ARHGAP15: variants seen among roughly 807,000 people sequenced by gnomAD.
ARHGAP15 encodes rho GTPase-activating protein 15.
In ARHGAP15, 51 loss-of-function variants were observed where a neutral mutation model predicts 63.7. That is an observed-to-expected ratio of 0.80 (90% CI 0.64 to 1.01). The LOEUF (loss-of-function observed/expected upper bound fraction) is 1.01, where lower values mean the gene tolerates loss of function less well. Ranked by LOEUF, ARHGAP15 falls within the 50% of genes least tolerant of loss-of-function variation. The pLI is 0.00. For missense variants in ARHGAP15, 560 were observed against 564.6 expected, an observed-to-expected ratio of 0.99 and a Z score of 0.08; for synonymous variants, 191 against 193.8, an observed-to-expected ratio of 0.99 and a Z score of 0.12.
intron 6 of ARHGAP15, among the ~76,000 whole-genome samples, chr2:143,323,667 C>T (rs988589131): frequency 2.9e-4 from 44 of 151,788 alleles, no homozygotes; most frequent in African/African-American, 8.7e-4. Context: ...GAGGCTGAGG[C>T]GGGTGGATCA....
intron 11 of ARHGAP15, chr2:143,587,655 C>A: frequency 4.4e-6 from 2 of 457,928 alleles, no homozygotes; most frequent in South Asian, 1.6e-5. Context: ...GGATGAGGAC[C>A]TTCCTTTCCT....
At chr2:143,702,775 C>T (rs1286632682) in intron 12 of ARHGAP15, among the ~76,000 whole-genome samples, 1 of 152,048 alleles carries the variant, frequency 6.6e-6, no homozygotes, top group Non-Finnish European at 1.5e-5. Context: ...CATCGCATAC[C>T]CTCTCTTTTC....
chr2:143,228,675 A>C lies in ARHGAP15; in HGVS notation c.384+7A>C, dbSNP rs372174374. On this transcript the variant is annotated splice_region_variant and intron_variant, in intron 5 of 13. Transcript: ENST00000295095. Reference sequence around the variant, plus strand: ...ACAGGCTCTGTCCAATATGGTAAGTAATTCTCTGTTTCTATTGTTAAATAT... The same window carrying C: ...ACAGGCTCTGTCCAATATGGTAAGTCATTCTCTGTTTCTATTGTTAAATAT... The C allele has an allele frequency of 5.2e-6, 8 of 1,528,980 alleles. No individual in the cohort carries two copies. In the African/African-American group the frequency reaches 8.4e-5, roughly 16 times the overall value. The allele number at this position is 1,528,980 out of a possible 1,614,324, so 94.7% of individuals were successfully genotyped here.
chr2:143,216,316 A>T, intron 3 of ARHGAP15, 68 bp from the exon 4 acceptor site: 2 of 1,207,430 alleles, frequency 1.7e-6, no homozygotes, highest in Non-Finnish European at 2.4e-6. Flanking sequence ...CTTGAAAAGC[A>T]TAGGTTTATT....
chr2:143,742,657 G>A (rs1686004647), intron 13 of ARHGAP15, among the ~76,000 whole-genome samples: 1 of 152,168 alleles, frequency 6.6e-6, no homozygotes, highest in South Asian at 2.1e-4. Flanking sequence ...CAGTTGCTTT[G>A]GAGAAACATG....
intron 6 of ARHGAP15, among the ~76,000 whole-genome samples, chr2:143,320,015 G>A (rs1387380920): frequency 1.3e-5 from 2 of 151,996 alleles, no homozygotes; most frequent in African/African-American, 4.8e-5. Flanking sequence ...TTTTCAGAAA[G>A]GTATTGTAAT....
In ARHGAP15 at chr2:143,157,640, C is replaced by T. The variant is rs555071348; in HGVS notation, c.165+1985C>T. On this transcript the variant is annotated intron_variant, in intron 2 of 13. Coordinates refer to ENST00000295095, the MANE Select transcript of ARHGAP15 (RefSeq NM_018460.4). ...TTTTAGTGAGGATGTGTCATTTCAC[C>T]GAGAAAACTTGGCTCAGAGATACTG... is the stretch of plus-strand genomic sequence containing the variant. 1.6e-4 allele frequency among the ~76,000 whole-genome samples: 24 copies of T among 151,388 alleles called. 1 individual carries two copies. The South Asian group carries it at 4.2e-3, about 26-fold the overall frequency.
chr2:143,244,203 TG>T (rs1215909328), intron 5 of ARHGAP15, among the ~76,000 whole-genome samples: 1 of 152,176 alleles, frequency 6.6e-6, no homozygotes, highest in Non-Finnish European at 1.5e-5. Context: ...AACACTTATT[TG>T]GGGCCACTTT....
chr2:143,274,312 A>AG (rs1681438828), intron 6 of ARHGAP15, among the ~76,000 whole-genome samples: 1 of 152,172 alleles, frequency 6.6e-6, no homozygotes, highest in Non-Finnish European at 1.5e-5. Context: ...GTTTCCACAG[A>AG]GAAAAAAAAA....
chr2:143,359,321 G>A (rs1685942757), intron 6 of ARHGAP15, among the ~76,000 whole-genome samples: 1 of 152,018 alleles, frequency 6.6e-6, no homozygotes, highest in African/African-American at 2.4e-5. Context: ...CATTTCTCAA[G>A]CTGACAAAAT....
intron 12 of ARHGAP15, among the ~76,000 whole-genome samples, chr2:143,632,669 A>G (rs899245709): frequency 6.6e-6 from 1 of 152,176 alleles, no homozygotes; most frequent in African/African-American, 2.4e-5. Context: ...CTCATCAGAT[A>G]AAAATAATAC....
intron 2 of ARHGAP15, among the ~76,000 whole-genome samples, chr2:143,186,104 G>A (rs1323605137): frequency 6.6e-6 from 1 of 152,164 alleles, no homozygotes; most frequent in African/African-American, 2.4e-5. Flanking sequence ...TGCTGAGTTG[G>A]GTGTGTCTTT....
At chr2:143,235,789 A>C (rs771720467) in intron 5 of ARHGAP15, among the ~76,000 whole-genome samples, 1 of 152,182 alleles carries the variant, frequency 6.6e-6, no homozygotes, top group East Asian at 1.9e-4. Context: ...GAGAATCAGG[A>C]GTTGTCTGTT....
intron 12 of ARHGAP15, among the ~76,000 whole-genome samples, chr2:143,663,202 C>A (rs1469419058): frequency 2.2e-5 from 3 of 134,312 alleles, no homozygotes; most frequent in East Asian, 2.3e-4. Context: ...GCCCATCAGA[C>A]TAACAGCGGA....
At chr2:143,630,416 C>T (rs1020181188) in intron 12 of ARHGAP15, among the ~76,000 whole-genome samples, 1 of 151,984 alleles carries the variant, frequency 6.6e-6, no homozygotes, top group African/African-American at 2.4e-5. Flanking sequence ...ATTCAACAAA[C>T]AAAATCTTAC....
chr2:143,681,680 T>G (rs188385880), intron 12 of ARHGAP15, among the ~76,000 whole-genome samples: 1 of 152,294 alleles, frequency 6.6e-6, no homozygotes, highest in East Asian at 1.9e-4. Context: ...GTTCCTATTT[T>G]TGTTCAGACA....
chr2:143,761,446 C>T (rs1686755950), intron 13 of ARHGAP15, among the ~76,000 whole-genome samples: 1 of 152,136 alleles, frequency 6.6e-6, no homozygotes, highest in Admixed American at 6.5e-5. Flanking sequence ...GAGAGTTGTC[C>T]TCCAGGCAAT....
At chr2:143,372,349 TAA>T (rs35140789) in intron 6 of ARHGAP15, among the ~76,000 whole-genome samples, 55,834 of 113,820 alleles carry the variant, frequency 0.49, 13,716 homozygotes, top group African/African-American at 0.65. Context: ...GTAGTCGATT[TAA>T]AAAAAAAAAA....
At chr2:143,750,895 C>T in intron 13 of ARHGAP15, among the ~76,000 whole-genome samples, 1 of 152,142 alleles carries the variant, frequency 6.6e-6, no homozygotes, top group East Asian at 1.9e-4. Context: ...GATTTTATCT[C>T]AGTTTTGCTG....
Sources: allele counts gnomAD v4.1 joint callset (sites outside exome capture counted in the v4.1 genomes callset), GRCh38; gene constraint gnomAD v4.1.1; transcripts MANE v1.5; gene names NCBI Gene and HGNC (gene_info 2026-07-23, HGNC 2026-07-21).